PRKN: variants seen among roughly 807,000 people sequenced by gnomAD.
The protein encoded by PRKN is E3 ubiquitin-protein ligase parkin.
In PRKN, 56 loss-of-function variants were observed where a neutral mutation model predicts 59.5. The observed-to-expected ratio is 0.94, with a 90% CI of 0.76 to 1.18. The LOEUF (loss-of-function observed/expected upper bound fraction) is 1.18, where lower values mean the gene tolerates loss of function less well. Ranked by LOEUF, PRKN falls within the 50% of genes most tolerant of loss-of-function variation. PRKN has a pLI of 0.00. For synonymous variants in PRKN, 250 were observed against 222.1 expected (o/e 1.13, Z -1.12); for missense variants, 657 against 596.4 (o/e 1.10, Z -1.06).
rs1017912575 is a variant in PRKN, at chr6:161,549,280, A to G, written c.934-277T>C. On this transcript the variant is annotated intron_variant, in intron 8 of 11. Coordinates refer to ENST00000366898, the MANE Select transcript of PRKN (RefSeq NM_004562.3). This position sits in a 1 kb window ranked among gnomAD's most constrained non-coding sequence, Gnocchi z 6.0. ...TTTGTCTTCAGAAAATAGATTTTCCAAAGTTTTGTATTTTATAAGATCGCT... is the reference window on the plus strand; with the variant it reads ...TTTGTCTTCAGAAAATAGATTTTCCGAAGTTTTGTATTTTATAAGATCGCT... Among the ~76,000 whole-genome samples the G allele has an allele frequency of 1.6e-4, 24 of 152,190 alleles. No individual in the cohort carries two copies. Among genetic ancestry groups the G allele is most frequent in the African/African-American group, 4.8e-4 (20 of 41,430 alleles).
At chr6:161,921,098 T>A (rs1410600214) in intron 6 of PRKN, among the ~76,000 whole-genome samples, 1 of 152,220 alleles carries the variant, frequency 6.6e-6, no homozygotes, top group Non-Finnish European at 1.5e-5. Context: ...GCCATATAAA[T>A]ATATTTTCTT....
chr6:162,682,576 G>A (rs1349693198), intron 1 of PRKN, among the ~76,000 whole-genome samples: 1 of 152,050 alleles, frequency 6.6e-6, no homozygotes, highest in Non-Finnish European at 1.5e-5. Flanking sequence ...CACAAAGAGG[G>A]GAACAACAGG....
chr6:161,733,098 A>C (rs1787791376), intron 7 of PRKN, among the ~76,000 whole-genome samples: 1 of 152,234 alleles, frequency 6.6e-6, no homozygotes, highest in Admixed American at 6.5e-5. Flanking sequence ...ATTTCATGCT[A>C]CTGGGTATAT....
Position 161,385,219 on chromosome 6 carries a change from C to T in PRKN, c.1167+1575G>A, listed in dbSNP as rs908691928. Among the ~76,000 whole-genome samples, 1 of 152,148 alleles carries T rather than the reference C, an allele frequency of 6.6e-6. No homozygotes were observed. Among genetic ancestry groups the T allele is most frequent in the Non-Finnish European group, 1.5e-5 (1 of 68,030 alleles). On this transcript the variant is annotated intron_variant, in intron 10 of 11. Transcript: ENST00000366898. The surrounding 1 kb of genome is among the most constrained non-coding windows in gnomAD (Gnocchi z 4.9). The stretch of plus-strand genomic sequence containing the variant: ...CTGGGATTACAGGCATAAGCCACCT[C>T]GCCCGGCCGGGAAATATACTTTTCA...
At chr6:161,508,214 C>G (rs956019396) in intron 9 of PRKN, among the ~76,000 whole-genome samples, 3 of 152,116 alleles carry the variant, frequency 2.0e-5, no homozygotes, top group African/African-American at 4.8e-5. Flanking sequence ...TGTCCTTGTA[C>G]TTTAGTTTCT....
At chr6:162,143,152 G>A (rs1203877433) in intron 4 of PRKN, among the ~76,000 whole-genome samples, 1 of 152,194 alleles carries the variant, frequency 6.6e-6, no homozygotes, top group Non-Finnish European at 1.5e-5. Flanking sequence ...TCCTTGTTGA[G>A]TAATGAGATA....
chr6:162,662,535 T>C (rs990035297), intron 1 of PRKN, among the ~76,000 whole-genome samples: 1 of 152,334 alleles, frequency 6.6e-6, no homozygotes, highest in South Asian at 2.1e-4. Context: ...GTTTTTCTTA[T>C]AGGATTTTAA....
intron 2 of PRKN, among the ~76,000 whole-genome samples, chr6:162,307,379 G>A (rs1228894957): frequency 7.4e-5 from 11 of 149,608 alleles, no homozygotes; most frequent in South Asian, 2.1e-4. Context: ...CAGCCTGGGC[G>A]GCAAAGAGAC....
chr6:161,881,788 A>C (rs1399131561), intron 6 of PRKN, among the ~76,000 whole-genome samples: 1 of 152,192 alleles, frequency 6.6e-6, no homozygotes, highest in Non-Finnish European at 1.5e-5. Context: ...AGAAAGGGCA[A>C]CTGAAAACGG....
At chr6:161,811,293 G>A (rs1356478594) in intron 6 of PRKN, among the ~76,000 whole-genome samples, 1 of 151,820 alleles carries the variant, frequency 6.6e-6, no homozygotes, top group Non-Finnish European at 1.5e-5. Flanking sequence ...TTGTCCTTTA[G>A]TTTCTCAAAA....
Position 161,423,350 on chromosome 6 carries a change from T to G in PRKN, c.1084-36473A>C, listed in dbSNP as rs980020599. ...AACGGATAGCAGCTGAGACACGCTG[T>G]GTAACTTGCAGCTTACATGTAAATA... On this transcript the variant is annotated intron_variant, in intron 9 of 11. Transcript: ENST00000366898. The surrounding 1 kb of genome is among the most constrained non-coding windows in gnomAD (Gnocchi z 5.9). 5.3e-5 allele frequency among the ~76,000 whole-genome samples: 8 copies of G among 152,238 alleles called. No homozygotes were observed. The East Asian group carries it at 1.3e-3, about 26-fold the overall frequency.
In PRKN at chr6:161,502,693, A is replaced by G. The variant is rs1456676741; in HGVS notation, c.1083+46161T>C. On this transcript the variant is annotated intron_variant, in intron 9 of 11. Coordinates refer to ENST00000366898, the MANE Select transcript of PRKN (RefSeq NM_004562.3). This position sits in a 1 kb window ranked among gnomAD's most constrained non-coding sequence, Gnocchi z 4.0. ...GTACCAGTGCATTTATGGAAAGATA[A>G]TAGTTAGAACACAGTGTTATCGGCT... Among the ~76,000 whole-genome samples the G allele has an allele frequency of 2.6e-5, 4 of 152,132 alleles. No individual in the cohort carries two copies. The East Asian group carries it at 7.7e-4, about 29-fold the overall frequency.
intron 5 of PRKN, among the ~76,000 whole-genome samples, chr6:162,015,456 T>G (rs963041147): frequency 6.6e-6 from 1 of 152,108 alleles, no homozygotes; most frequent in African/African-American, 2.4e-5. Context: ...CAGAACCAAC[T>G]CAATTCAGGG....
chr6:162,602,000 G>A (rs1215090056), intron 1 of PRKN, among the ~76,000 whole-genome samples: 1 of 152,200 alleles, frequency 6.6e-6, no homozygotes. Flanking sequence ...TGGGAGTACA[G>A]GAACACACAA....
chr6:161,682,937 C>G (rs534190043), intron 7 of PRKN, among the ~76,000 whole-genome samples: 1 of 152,296 alleles, frequency 6.6e-6, no homozygotes, highest in South Asian at 2.1e-4. Context: ...CCCGGCAAGG[C>G]TGCTGGGCAG....
chr6:161,351,263 C>T (rs560518105), intron 11 of PRKN, among the ~76,000 whole-genome samples: 92 of 148,736 alleles, frequency 6.2e-4, no homozygotes, highest in African/African-American at 2.2e-3. Flanking sequence ...TATAGTGCCA[C>T]TTACTTGGCT....
In PRKN at chr6:162,696,568, TTTTTTC is replaced by T. The variant is rs1183299370; in HGVS notation, c.7+31088_7+31093del. Among the ~76,000 whole-genome samples the T allele has an allele frequency of 7.5e-4, 111 of 147,278 alleles. 1 individual carries two copies. Among genetic ancestry groups the T allele is most frequent in the Non-Finnish European group, 1.4e-3 (92 of 66,692 alleles). ...TTTGTGTCAGGAAAAACTTTTTTTT[TTTTTTC>T]TTTTTTTTGAGATAGGGTCTTACTC... On this transcript the variant is annotated intron_variant, in intron 1 of 11. Transcript: ENST00000366898.
intron 2 of PRKN, among the ~76,000 whole-genome samples, chr6:162,280,619 C>T (rs1380717043): frequency 1.3e-5 from 2 of 151,674 alleles, no homozygotes; most frequent in East Asian, 2.0e-4. Flanking sequence ...GGTGAAACCC[C>T]GTCTCTACTA....
intron 5 of PRKN, among the ~76,000 whole-genome samples, chr6:161,975,813 C>T (rs80224959): frequency 0.014 from 2,091 of 152,302 alleles, 50 homozygotes; most frequent in African/African-American, 0.048. Context: ...GTTACTCTCT[C>T]GCAAGACCGC....
Sources: allele counts gnomAD v4.1 joint callset (sites outside exome capture counted in the v4.1 genomes callset), GRCh38; gene constraint gnomAD v4.1.1; non-coding constraint Gnocchi (gnomAD v3.1); transcripts MANE v1.5; gene names NCBI Gene and HGNC (gene_info 2026-07-23, HGNC 2026-07-21).